The following SKAP1 variants were observed in gnomAD, a reference collection of about 807,000 sequenced individuals.
SKAP1 encodes the protein src kinase-associated phosphoprotein 1.
Under a neutral mutation model 58.5 loss-of-function variants are expected in SKAP1, and 44 were observed. That is an observed-to-expected ratio of 0.75 (90% CI 0.59 to 0.97). SKAP1 has a LOEUF of 0.97. Ranked by LOEUF, SKAP1 falls within the 50% of genes least tolerant of loss-of-function variation. The probability of loss-of-function intolerance (pLI) is 0.00; values close to 1 mark genes in which losing one functional copy is unlikely to be tolerated. For missense variants in SKAP1, 390 were observed against 435.2 expected, an observed-to-expected ratio of 0.90 and a Z score of 0.92; for synonymous variants, 127 against 149.7, an observed-to-expected ratio of 0.85 and a Z score of 1.11.
chr17:48,198,550 C>T (rs1003633282), intron 4 of SKAP1, among the ~76,000 whole-genome samples: 1 of 148,730 alleles, frequency 6.7e-6, no homozygotes, highest in Non-Finnish European at 1.5e-5. Flanking sequence ...AGGGAGAAGT[C>T]AATCAAAAAT....
At chr17:48,246,702 C>G (rs2065300833) in intron 4 of SKAP1, among the ~76,000 whole-genome samples, 1 of 152,196 alleles carries the variant, frequency 6.6e-6, no homozygotes, top group African/African-American at 2.4e-5. Flanking sequence ...GCAGAGATCT[C>G]TGAGAGTTAA....
intron 4 of SKAP1, among the ~76,000 whole-genome samples, chr17:48,192,901 C>T (rs1598413021): frequency 6.6e-6 from 1 of 152,248 alleles, no homozygotes; most frequent in East Asian, 1.9e-4. Context: ...ACTCAGTTTG[C>T]TAAAATTGGG....
At chr17:48,243,659 G>A (rs1479848623) in intron 4 of SKAP1, among the ~76,000 whole-genome samples, 1 of 152,084 alleles carries the variant, frequency 6.6e-6, no homozygotes, top group Non-Finnish European at 1.5e-5. Context: ...TGGAGGAAGC[G>A]CAAATAAAAC....
chr17:48,331,065 C>G (rs2066499801), intron 4 of SKAP1, among the ~76,000 whole-genome samples: 1 of 152,082 alleles, frequency 6.6e-6, no homozygotes, highest in South Asian at 2.1e-4. Flanking sequence ...CTGAGGGACC[C>G]TAGAACAAAG....
At chr17:48,167,986 A>C (rs2064161106) in intron 10 of SKAP1, among the ~76,000 whole-genome samples, 1 of 152,218 alleles carries the variant, frequency 6.6e-6, no homozygotes, top group Admixed American at 6.5e-5. Flanking sequence ...CACTCATTAA[A>C]ATAACCCTGT....
chr17:48,180,357 G>A, intron 8 of SKAP1, 109 bp from the exon 9 acceptor site: 1 of 806,830 alleles, frequency 1.2e-6, no homozygotes, highest in Non-Finnish European at 1.9e-6. Context: ...TATGTCAAAT[G>A]AAAATGAAAC....
rs571350638 is a variant in SKAP1 at position 48,407,790 on chromosome 17, G to C, written c.47-11005C>G. 1.1e-4 allele frequency among the ~76,000 whole-genome samples: 17 copies of C among 151,678 alleles called. No homozygotes were observed. The South Asian group carries it at 3.3e-3, about 30-fold the overall frequency. On this transcript the variant is annotated intron_variant, in intron 1 of 12. Coordinates refer to ENST00000336915, the MANE Select transcript of SKAP1 (RefSeq NM_003726.4). ...GATTGCTTGAGCCCAGGAGATGAAG[G>C]CTTCAGTGAGCTGAGATCATGCCAC...
chr17:48,400,300 C>A (rs983284856), intron 1 of SKAP1, among the ~76,000 whole-genome samples: 1 of 151,706 alleles, frequency 6.6e-6, no homozygotes, highest in African/African-American at 2.4e-5. Flanking sequence ...GGTTTCTCCT[C>A]GTTAGCTAGG....
chr17:48,153,940 T>G (rs143495018), intron 11 of SKAP1, among the ~76,000 whole-genome samples: 1 of 151,600 alleles, frequency 6.6e-6, no homozygotes, highest in African/African-American at 2.4e-5. Context: ...TTAAGGCAAT[T>G]GAAGGAATTA....
At chr17:48,437,741 C>CA in the SKAP1 span, among the ~76,000 whole-genome samples, 34,410 of 65,464 alleles carry the variant, frequency 0.53, 9,293 homozygotes, top group South Asian at 0.58. Flanking sequence ...GACTCTGTCT[C>CA]AAAAAAAAAA....
intron 4 of SKAP1, among the ~76,000 whole-genome samples, chr17:48,328,426 A>G (rs1352934818): frequency 2.0e-5 from 3 of 152,168 alleles, no homozygotes; most frequent in African/African-American, 4.8e-5. Flanking sequence ...GAAGGAATAA[A>G]TGATACCCCC....
chr17:48,265,408 G>A (rs190952947), intron 4 of SKAP1, among the ~76,000 whole-genome samples: 29 of 152,126 alleles, frequency 1.9e-4, no homozygotes, highest in Admixed American at 1.6e-3. Flanking sequence ...GGGAGGCTGA[G>A]GCAGGAGAAT....
intron 3 of SKAP1, among the ~76,000 whole-genome samples, chr17:48,349,162 G>C (rs1460862251): frequency 2.6e-5 from 4 of 152,166 alleles, no homozygotes; most frequent in Non-Finnish European, 4.4e-5. Flanking sequence ...TTTTATAGAA[G>C]AACAGCAATT....
intron 5 of SKAP1, among the ~76,000 whole-genome samples, chr17:48,188,717 G>C (rs2064493303): frequency 6.6e-6 from 1 of 151,478 alleles, no homozygotes; most frequent in Non-Finnish European, 1.5e-5. Flanking sequence ...AAAAAAAAAA[G>C]GCCGGGTGTG....
At chr17:48,444,367 G>T in the SKAP1 span, among the ~76,000 whole-genome samples, 2 of 152,180 alleles carry the variant, frequency 1.3e-5, no homozygotes, top group Admixed American at 6.5e-5. Flanking sequence ...TCCAGCCTGG[G>T]CAATAGGGTG....
At chr17:48,210,944 C>A (rs115870025) in intron 4 of SKAP1, among the ~76,000 whole-genome samples, 1 of 152,070 alleles carries the variant, frequency 6.6e-6, no homozygotes, top group African/African-American at 2.4e-5. Context: ...GCCAGTGTGA[C>A]GGAAAGCCCC....
At chr17:48,157,168 G>C (rs989632696) in intron 11 of SKAP1, among the ~76,000 whole-genome samples, 6 of 151,902 alleles carry the variant, frequency 3.9e-5, no homozygotes, top group Admixed American at 6.6e-5. Context: ...TAACCCGTCT[G>C]TTACAGGCAC....
intron 11 of SKAP1, among the ~76,000 whole-genome samples, chr17:48,157,163 C>T (rs1403721026): frequency 2.0e-5 from 3 of 151,908 alleles, no homozygotes; most frequent in South Asian, 2.1e-4. Flanking sequence ...ATAAATAACC[C>T]GTCTGTTACA....
intron 10 of SKAP1, among the ~76,000 whole-genome samples, chr17:48,167,411 A>T (rs2064154993): frequency 6.6e-6 from 1 of 152,150 alleles, no homozygotes; most frequent in Non-Finnish European, 1.5e-5. Flanking sequence ...TAGCTGGTTA[A>T]TAATCAGCTC....
Sources: allele counts gnomAD v4.1 joint callset (sites outside exome capture counted in the v4.1 genomes callset), GRCh38; gene constraint gnomAD v4.1.1; transcripts MANE v1.5; gene names NCBI Gene and HGNC (gene_info 2026-07-23, HGNC 2026-07-21).